Variants in EFCC1 observed in about 807,000 individuals in gnomAD.
EFCC1 encodes EF-hand and coiled-coil domain containing 1.
A neutral mutation model predicts 52.1 loss-of-function variants in EFCC1; 50 were observed. The ratio of observed to expected loss-of-function variants is 0.96; its 90% CI spans 0.76 to 1.21. EFCC1 has a LOEUF of 1.21. EFCC1 is among the 50% of genes most tolerant of loss of function. The pLI is 0.00. For synonymous variants in EFCC1, 399 were observed against 396.5 expected (o/e 1.01, Z -0.08); for missense variants, 837 against 867.3 (o/e 0.97, Z 0.44).
In EFCC1 at chr3:129,034,227, T is replaced by C. The variant is rs1176651380; in HGVS notation, c.1350T>C (p.His450=). The C allele has an allele frequency of 6.2e-7, 1 of 1,614,076 alleles. No individual in the cohort carries two copies. Among genetic ancestry groups the C allele is most frequent in the African/African-American group, 1.3e-5 (1 of 74,916 alleles). The change falls in exon 5 of 8, where the codon CAT becomes CAC. Residue 450 remains histidine, a synonymous_variant. Coordinates refer to ENST00000683648, the MANE Select transcript of EFCC1 (RefSeq NM_001377500.1). Reference sequence around the variant, plus strand: ...TTGGTCACTTCGGCGGTGCCAACCATGCCCATACCCTGGGGGAGCTGGAGG... The same window carrying C: ...TTGGTCACTTCGGCGGTGCCAACCACGCCCATACCCTGGGGGAGCTGGAGG... ...TYFGHFGGAN[H]AHTLGELEAC... is the part of the protein sequence containing the mutation.
At chr3:129,005,965 C>A (rs76149190) in intron 2 of EFCC1, among the ~76,000 whole-genome samples, 7,722 of 152,362 alleles carry the variant, frequency 0.051, 366 homozygotes, top group East Asian at 0.19. Flanking sequence ...TCCTCTATAG[C>A]AGAATGCTAC....
chr3:129,035,622 G>A (rs927211420), intron 5 of EFCC1, among the ~76,000 whole-genome samples: 4 of 152,336 alleles, frequency 2.6e-5, no homozygotes, highest in Middle Eastern at 3.4e-3. Context: ...TCATTACAGG[G>A]CAAGCCAGTG....
intron 2 of EFCC1, among the ~76,000 whole-genome samples, chr3:129,029,173 GT>G (rs1459737503): frequency 2.0e-5 from 3 of 152,160 alleles, no homozygotes; most frequent in African/African-American, 7.2e-5. Flanking sequence ...GTTCTATCGG[GT>G]TGTTACGACG....
At chr3:129,004,819 C>T (rs1480189549) in intron 2 of EFCC1, among the ~76,000 whole-genome samples, 1 of 152,088 alleles carries the variant, frequency 6.6e-6, no homozygotes, top group East Asian at 1.9e-4. Context: ...ACTGCCTGTG[C>T]TAGCTCCACC....
intron 2 of EFCC1, among the ~76,000 whole-genome samples, chr3:129,026,179 G>A (rs1428532831): frequency 6.6e-6 from 1 of 152,204 alleles, no homozygotes; most frequent in East Asian, 1.9e-4. Context: ...GTTGCTGTCC[G>A]TGCAGGAAGC....
intron 6 of EFCC1, among the ~76,000 whole-genome samples, chr3:129,038,464 T>C (rs1208871783): frequency 6.6e-6 from 1 of 152,278 alleles, no homozygotes; most frequent in Non-Finnish European, 1.5e-5. Flanking sequence ...TTTCCCAGCA[T>C]TGCTTTTTTC....
chr3:129,018,788 G>C (rs1945700422), intron 2 of EFCC1, among the ~76,000 whole-genome samples: 1 of 152,188 alleles, frequency 6.6e-6, no homozygotes, highest in African/African-American at 2.4e-5. Context: ...ATGTGTTCTT[G>C]CGAAGTGAGT....
At chr3:129,028,978 G>T (rs958196431) in intron 2 of EFCC1, among the ~76,000 whole-genome samples, 5 of 152,078 alleles carry the variant, frequency 3.3e-5, no homozygotes, top group Non-Finnish European at 7.4e-5. Flanking sequence ...GTGCAGCAGA[G>T]CACTCTCCTG....
At chr3:129,006,008 A>G (rs1368272922) in intron 2 of EFCC1, among the ~76,000 whole-genome samples, 3 of 152,264 alleles carry the variant, frequency 2.0e-5, no homozygotes, top group Non-Finnish European at 2.9e-5. Flanking sequence ...AGCCCTTTAC[A>G]ATAGAAAAAG....
At chr3:129,013,755 C>T (rs1260468477) in intron 2 of EFCC1, among the ~76,000 whole-genome samples, 2 of 152,224 alleles carry the variant, frequency 1.3e-5, no homozygotes, top group African/African-American at 4.8e-5. Flanking sequence ...TAAAACATTC[C>T]CGCCATTGGC....
intron 2 of EFCC1, among the ~76,000 whole-genome samples, chr3:129,011,210 G>A (rs1376115137): frequency 1.3e-5 from 2 of 152,168 alleles, no homozygotes; most frequent in African/African-American, 4.8e-5. Context: ...GATTCAACTT[G>A]CTGTTGTGTT....
At chr3:129,034,361 C>G in intron 5 of EFCC1, 32 bp downstream of exon 5, 2 of 1,609,858 alleles carry the variant, frequency 1.2e-6, no homozygotes, top group East Asian at 2.2e-5. Flanking sequence ...AAGGCTGGAG[C>G]AATTCTAGAG....
intron 2 of EFCC1, among the ~76,000 whole-genome samples, chr3:129,020,366 A>G (rs992244448): frequency 6.6e-6 from 1 of 152,136 alleles, no homozygotes; most frequent in African/African-American, 2.4e-5. Flanking sequence ...GGCTGGACAG[A>G]TGGCCCACAC....
chr3:129,006,502 G>T (rs766023188), intron 2 of EFCC1, among the ~76,000 whole-genome samples: 3 of 152,196 alleles, frequency 2.0e-5, no homozygotes, highest in Non-Finnish European at 4.4e-5. Flanking sequence ...TTTTAGTAGA[G>T]ATGGGGTTTC....
chr3:129,019,366 A>G (rs1945730198), intron 2 of EFCC1, among the ~76,000 whole-genome samples: 1 of 152,202 alleles, frequency 6.6e-6, no homozygotes, highest in South Asian at 2.1e-4. Context: ...AGGGCTGGCT[A>G]CCTTCACTCA....
chr3:129,038,435 T>C (rs889228319), intron 6 of EFCC1, among the ~76,000 whole-genome samples: 9 of 152,254 alleles, frequency 5.9e-5, no homozygotes, highest in African/African-American at 2.2e-4. Flanking sequence ...GCTGGGTGGC[T>C]TTGGCAAATT....
At position 129,002,249 on chromosome 3, in the gene EFCC1, T is replaced by C; in HGVS notation, c.621T>C (p.Asn207=). 2.6e-6 allele frequency: 4 copies of C among 1,531,224 alleles called. No homozygotes were observed. Among genetic ancestry groups the C allele is most frequent in the Admixed American group, 2.0e-5 (1 of 50,618 alleles). 94.9% of individuals were successfully genotyped at this position (1,531,224 alleles called of 1,614,324 possible). The change falls in exon 1 of 8, where the codon AAT becomes AAC. Residue 207 remains asparagine, a synonymous_variant. Transcript: ENST00000683648. ...GCGTTGCGCGGCTGGAGGAGGAGAA[T>C]AGCAGCTTGCGCGAGTTGGTGGAGG... ...CERVARLEEE[N]SSLRELVEDL...
chr3:129,027,513 T>A (rs2107930458), intron 2 of EFCC1, among the ~76,000 whole-genome samples: 1 of 152,230 alleles, frequency 6.6e-6, no homozygotes, highest in South Asian at 2.1e-4. Context: ...TGCCTGCCCC[T>A]CCTGGGTGCT....
chr3:129,022,187 T>C (rs1348575155), intron 2 of EFCC1, among the ~76,000 whole-genome samples: 7 of 152,162 alleles, frequency 4.6e-5, no homozygotes, highest in Non-Finnish European at 8.8e-5. Context: ...CTCCACAAAG[T>C]TTAGAAGGAC....
Sources: gnomAD v4.1 joint callset for allele counts (sites outside exome capture counted in the v4.1 genomes callset) on GRCh38, gnomAD v4.1.1 for gene constraint, MANE v1.5 for transcripts, NCBI Gene and HGNC (gene_info 2026-07-23, HGNC 2026-07-21) for gene names.